Variants in POF1B observed in about 807,000 individuals in gnomAD.
POF1B encodes protein POF1B.
A neutral mutation model predicts 55.3 loss-of-function variants in POF1B; 53 were observed. That is an observed-to-expected ratio of 0.96 (90% CI 0.77 to 1.20). The LOEUF is 1.20. Among genes scored for constraint, POF1B ranks in the 50% most tolerant of loss-of-function variants. POF1B has a pLI of 0.00. For synonymous variants in POF1B, 188 were observed against 148.3 expected (o/e 1.27, Z -1.95); for missense variants, 478 against 420.5 (o/e 1.14, Z -1.20).
At chrX:85,298,073 G>A (rs1165103320) in intron 15 of POF1B, among the ~76,000 whole-genome samples, 1 of 112,247 alleles carries the variant, frequency 8.9e-6, no homozygotes, top group Non-Finnish European at 1.9e-5. Context: ...GAGCTGAAGT[G>A]TTCCCAGGCT....
At chrX:85,312,332 A>C (rs996873246) in intron 9 of POF1B, among the ~76,000 whole-genome samples, 5 of 111,943 alleles carry the variant, frequency 4.5e-5, no homozygotes, top group African/African-American at 1.6e-4. Flanking sequence ...TCTTTAATCC[A>C]TCTTGAGTTA....
chrX:85,370,083 C>T (rs915396794), intron 2 of POF1B, among the ~76,000 whole-genome samples: 1 of 111,692 alleles, frequency 9.0e-6, no homozygotes, highest in East Asian at 2.8e-4. Context: ...GATACAAAAG[C>T]GTACTAAGAA....
chrX:85,328,575 A>C (rs1245538779), intron 7 of POF1B, among the ~76,000 whole-genome samples: 3 of 111,085 alleles, frequency 2.7e-5, no homozygotes, highest in Non-Finnish European at 3.8e-5. Flanking sequence ...ATTGGTTCTC[A>C]GAGTGTGGGT....
intron 15 of POF1B, among the ~76,000 whole-genome samples, chrX:85,285,352 G>A (rs1286838080): frequency 6.3e-5 from 7 of 110,926 alleles, no homozygotes; most frequent in Non-Finnish European, 7.5e-5. Flanking sequence ...GTATGCACAC[G>A]TATGTTTATT....
intron 3 of POF1B, among the ~76,000 whole-genome samples, chrX:85,362,304 G>A (rs1603076387): frequency 1.8e-5 from 2 of 111,044 alleles, no homozygotes; most frequent in South Asian, 7.6e-4. Flanking sequence ...GGGAGAGAGG[G>A]CATCCTTGTC....
chrX:85,337,912 A>G (rs1233282743), intron 6 of POF1B, among the ~76,000 whole-genome samples: 1 of 111,120 alleles, frequency 9.0e-6, no homozygotes, highest in African/African-American at 3.3e-5. Context: ...AATGGGGGGG[A>G]AGTGCTCAGT....
chrX:85,357,925 C>G (rs1424349040), intron 4 of POF1B, among the ~76,000 whole-genome samples: 4 of 110,789 alleles, frequency 3.6e-5, no homozygotes, highest in African/African-American at 1.3e-4. Context: ...AAATTTCACC[C>G]TTTTCTAAAT....
intron 14 of POF1B, 119 bp downstream of exon 14, chrX:85,304,224 A>G: frequency 1.3e-6 from 1 of 750,217 alleles, no homozygotes; most frequent in Non-Finnish European, 1.8e-6. Flanking sequence ...ATTTTATTTC[A>G]TTAAATAAAG....
At chrX:85,293,169 T>A (rs997599887) in intron 15 of POF1B, among the ~76,000 whole-genome samples, 2 of 112,190 alleles carry the variant, frequency 1.8e-5, no homozygotes, top group African/African-American at 6.5e-5. Flanking sequence ...ATCTCATTAC[T>A]GGGTATATAC....
At chrX:85,328,998 C>T (rs1569289704) in intron 7 of POF1B, among the ~76,000 whole-genome samples, 1 of 110,684 alleles carries the variant, frequency 9.0e-6, no homozygotes, top group Non-Finnish European at 1.9e-5. Context: ...GTTAATGCAC[C>T]GAAGTAGAGC....
At chrX:85,329,524 C>T (rs1306920992) in intron 7 of POF1B, among the ~76,000 whole-genome samples, 1 of 110,885 alleles carries the variant, frequency 9.0e-6, no homozygotes, top group Non-Finnish European at 1.9e-5. Context: ...CCACAGTAAA[C>T]CAGCCACCAC....
chrX:85,327,053 C>A (rs749264289), intron 7 of POF1B, among the ~76,000 whole-genome samples: 3 of 110,980 alleles, frequency 2.7e-5, no homozygotes, highest in Non-Finnish European at 5.7e-5. Flanking sequence ...CATGCTCCAC[C>A]ACAGAGGCTC....
At chrX:85,319,940 A>G in intron 7 of POF1B, among the ~76,000 whole-genome samples, 2 of 111,181 alleles carry the variant, frequency 1.8e-5, no homozygotes, top group Non-Finnish European at 3.8e-5. Flanking sequence ...TTTCAGCAGA[A>G]ATGATACCAA....
chrX:85,327,468 A>G (rs1397991404), intron 7 of POF1B, among the ~76,000 whole-genome samples: 2 of 112,209 alleles, frequency 1.8e-5, no homozygotes, highest in Non-Finnish European at 3.8e-5. Flanking sequence ...ATAAAACTAT[A>G]TGAACTAGTG....
intron 15 of POF1B, among the ~76,000 whole-genome samples, chrX:85,284,888 A>T (rs997264783): frequency 5.4e-5 from 6 of 111,930 alleles, no homozygotes; most frequent in Non-Finnish European, 9.4e-5. Flanking sequence ...AATGGGAGAA[A>T]ATTTTTACAA....
intron 3 of POF1B, among the ~76,000 whole-genome samples, chrX:85,362,780 C>G (rs1371886909): frequency 9.0e-6 from 1 of 111,078 alleles, no homozygotes; most frequent in Non-Finnish European, 1.9e-5. Flanking sequence ...GGGGAGGAGT[C>G]CCACCTCTTC....
intron 2 of POF1B, among the ~76,000 whole-genome samples, chrX:85,377,942 G>C (rs753558954): frequency 1.4e-4 from 16 of 111,987 alleles, no homozygotes; most frequent in Non-Finnish European, 2.4e-4. Context: ...ATGATTTTAG[G>C]ATTCCTAAGA....
intron 7 of POF1B, among the ~76,000 whole-genome samples, chrX:85,321,323 C>G (rs1429137025): frequency 1.8e-5 from 2 of 110,872 alleles, no homozygotes; most frequent in Non-Finnish European, 3.8e-5. Context: ...AGCATATAAA[C>G]AGAACCAAAG....
intron 6 of POF1B, among the ~76,000 whole-genome samples, chrX:85,338,509 A>G (rs1933114567): frequency 8.9e-6 from 1 of 112,204 alleles, no homozygotes; most frequent in Non-Finnish European, 1.9e-5. Flanking sequence ...GTAACTGAAT[A>G]ATAACATTTG....
Sources: allele counts gnomAD v4.1 joint callset (sites outside exome capture counted in the v4.1 genomes callset), GRCh38; gene constraint gnomAD v4.1.1; transcripts MANE v1.5; gene names NCBI Gene and HGNC (gene_info 2026-07-23, HGNC 2026-07-21).